The following MGMT variants were observed in gnomAD, a reference collection of about 807,000 sequenced individuals.
MGMT encodes the protein methylated-DNA--protein-cysteine methyltransferase.
A neutral mutation model predicts 15.9 loss-of-function variants in MGMT; 14 were observed. The observed-to-expected ratio is 0.88, with a 90% CI of 0.58 to 1.37. The LOEUF (loss-of-function observed/expected upper bound fraction) is 1.37, where lower values mean the gene tolerates loss of function less well. MGMT is among the 40% of genes most tolerant of loss of function. The pLI is 0.00. For synonymous variants in MGMT, 130 were observed against 118.2 expected (o/e 1.10, Z -0.65); for missense variants, 282 against 268.1 (o/e 1.05, Z -0.36).
At chr10:129,703,668 C>A (rs541026160) in intron 2 of MGMT, among the ~76,000 whole-genome samples, 2 of 150,442 alleles carry the variant, frequency 1.3e-5, no homozygotes, top group African/African-American at 5.0e-5. Flanking sequence ...TCCACTCCAT[C>A]CTCGCCGGGG....
chr10:129,759,557 G>T (rs562018660), intron 4 of MGMT, among the ~76,000 whole-genome samples: 5 of 152,154 alleles, frequency 3.3e-5, no homozygotes, highest in African/African-American at 1.2e-4. Flanking sequence ...CCTACCGGGA[G>T]CACATCTCCA....
intron 2 of MGMT, among the ~76,000 whole-genome samples, chr10:129,608,535 G>A (rs1186018401): frequency 2.0e-5 from 3 of 152,190 alleles, no homozygotes; most frequent in African/African-American, 2.4e-5. Flanking sequence ...TGGAAAACTG[G>A]TGTATTGAGG....
At position 129,767,003 on chromosome 10, in the gene MGMT, T is replaced by C. The variant is rs1463227375; in HGVS notation, c.*6T>C. ...CGCCTGCTGGCCGAAACTGAGTATGTGCAGTAGGATGGATGTTTGAGCGAC... is the reference window on the plus strand; with the variant it reads ...CGCCTGCTGGCCGAAACTGAGTATGCGCAGTAGGATGGATGTTTGAGCGAC... On this transcript the variant is annotated 3_prime_UTR_variant, in exon 5 of 5. Transcript: ENST00000651593. 1 of 1,580,942 alleles carries C rather than the reference T, an allele frequency of 6.3e-7. No homozygotes were observed. Among genetic ancestry groups the C allele is most frequent in the Non-Finnish European group, 8.6e-7 (1 of 1,163,102 alleles).
intron 1 of MGMT, among the ~76,000 whole-genome samples, chr10:129,530,435 G>A (rs1357184160): frequency 6.6e-6 from 1 of 152,188 alleles, no homozygotes; most frequent in African/African-American, 2.4e-5. Flanking sequence ...GATCACATTT[G>A]TCTCCTTCCA....
rs75127061 is a variant in MGMT at position 129,533,436 on chromosome 10, G to A, written c.-12-2805G>A. 0.014 allele frequency among the ~76,000 whole-genome samples: 2,074 copies of A among 152,280 alleles called. 52 individuals carry two copies. The highest frequency in any genetic ancestry group is 0.047 in the African/African-American group (1,950 of 41,552). On this transcript the variant is annotated intron_variant, in intron 1 of 4. Transcript: ENST00000651593. This position sits in a 1 kb window ranked among gnomAD's most constrained non-coding sequence, Gnocchi z 4.5. ...ACTCCGACAGCCTGCAGCCCTGCCCGAACTGGGATGATAGAGCAGCAAACA... is the reference window on the plus strand; with the variant it reads ...ACTCCGACAGCCTGCAGCCCTGCCCAAACTGGGATGATAGAGCAGCAAACA...
At chr10:129,638,446 GAAA>G (rs1157292152) in intron 2 of MGMT, among the ~76,000 whole-genome samples, 3 of 96,316 alleles carry the variant, frequency 3.1e-5, no homozygotes, top group Non-Finnish European at 6.2e-5. Context: ...AAAAAAAAAA[GAAA>G]AAAAAAAGAA....
chr10:129,697,829 C>T (rs1366932042), intron 2 of MGMT, among the ~76,000 whole-genome samples: 2 of 152,158 alleles, frequency 1.3e-5, no homozygotes, highest in Non-Finnish European at 2.9e-5. Flanking sequence ...GACACAAAGT[C>T]GGTCATCTTG....
chr10:129,502,693 C>T (rs748456773), intron 1 of MGMT, among the ~76,000 whole-genome samples: 3 of 152,128 alleles, frequency 2.0e-5, no homozygotes, highest in Non-Finnish European at 2.9e-5. Context: ...CCTAAATTTC[C>T]GTGCTCCCTG....
intron 2 of MGMT, among the ~76,000 whole-genome samples, chr10:129,696,922 C>T (rs967768048): frequency 6.6e-6 from 1 of 152,220 alleles, no homozygotes; most frequent in Non-Finnish European, 1.5e-5. Flanking sequence ...GGAGGGTTGA[C>T]AGTAGGGGAC....
intron 2 of MGMT, among the ~76,000 whole-genome samples, chr10:129,598,608 C>T (rs12259671): frequency 5.3e-5 from 8 of 152,220 alleles, no homozygotes; most frequent in Non-Finnish European, 4.4e-5. Context: ...TGCCCGATTA[C>T]TAAGCATGGA....
At chr10:129,494,242 A>G (rs998695650) in intron 1 of MGMT, among the ~76,000 whole-genome samples, 13 of 152,190 alleles carry the variant, frequency 8.5e-5, no homozygotes, top group Non-Finnish European at 1.8e-4. Context: ...TGAAGCCCCA[A>G]TAGTGATATG....
chr10:129,569,071 T>A (rs1453469032), intron 2 of MGMT, among the ~76,000 whole-genome samples: 1 of 152,326 alleles, frequency 6.6e-6, no homozygotes, highest in East Asian at 1.9e-4. Context: ...ATGATGGGCT[T>A]TAGCGTCAGA....
At chr10:129,655,047 C>T (rs1317476838) in intron 2 of MGMT, among the ~76,000 whole-genome samples, 1 of 152,200 alleles carries the variant, frequency 6.6e-6, no homozygotes, top group East Asian at 1.9e-4. Context: ...AGGGTGACCG[C>T]TGCACCCTCA....
At chr10:129,562,682 A>G (rs1410901614) in intron 2 of MGMT, among the ~76,000 whole-genome samples, 2 of 152,100 alleles carry the variant, frequency 1.3e-5, no homozygotes, top group Admixed American at 1.3e-4. Flanking sequence ...CTGGTTCTGG[A>G]GTCTGAGAAG....
chr10:129,748,583 G>A (rs1848720519), intron 3 of MGMT, among the ~76,000 whole-genome samples: 1 of 152,140 alleles, frequency 6.6e-6, no homozygotes, highest in Admixed American at 6.5e-5. Context: ...CTGGGCACTA[G>A]GTTTGCTCCT....
At chr10:129,664,729 T>C (rs1490950166) in intron 2 of MGMT, among the ~76,000 whole-genome samples, 1 of 152,042 alleles carries the variant, frequency 6.6e-6, no homozygotes, top group East Asian at 1.9e-4. Context: ...GAAGGAAGAA[T>C]ACAAAATGAG....
At chr10:129,526,945 A>G (rs1589850834) in intron 1 of MGMT, among the ~76,000 whole-genome samples, 1 of 152,196 alleles carries the variant, frequency 6.6e-6, no homozygotes. Flanking sequence ...AACGAAATTC[A>G]TTTTTCCAGA....
intron 3 of MGMT, among the ~76,000 whole-genome samples, chr10:129,720,512 A>G (rs1448914154): frequency 6.6e-6 from 1 of 152,186 alleles, no homozygotes; most frequent in Non-Finnish European, 1.5e-5. Flanking sequence ...GAGTACCAGG[A>G]GGCATTCTCT....
rs181600664 is a variant in MGMT at position 129,529,075 on chromosome 10, G to C, written c.-12-7166G>C. On this transcript the variant is annotated intron_variant, in intron 1 of 4. Transcript: ENST00000651593. ...AAGTGACGTCTGAGCATGGTTGTGA[G>C]TGAGATGACAGTGGCCACTGTGCAG... is the stretch of plus-strand genomic sequence containing the variant. 3.0e-3 allele frequency among the ~76,000 whole-genome samples: 461 copies of C among 152,176 alleles called. 2 individuals carry two copies. The highest frequency in any genetic ancestry group is 0.011 in the African/African-American group (438 of 41,524).
Sources: allele counts gnomAD v4.1 joint callset (sites outside exome capture counted in the v4.1 genomes callset), GRCh38; gene constraint gnomAD v4.1.1; non-coding constraint Gnocchi (gnomAD v3.1); transcripts MANE v1.5; gene names NCBI Gene and HGNC (gene_info 2026-07-23, HGNC 2026-07-21).